Variants in ELAVL4 observed in about 807,000 individuals in gnomAD.
ELAVL4 encodes ELAV like RNA binding protein 4.
ELAVL4 carries 1 observed loss-of-function variant against 35.6 expected under a neutral mutation model. The ratio of observed to expected loss-of-function variants is 0.03; its 90% CI spans 0.01 to 0.13. The LOEUF (loss-of-function observed/expected upper bound fraction) is 0.13. ELAVL4 is among the 10% of genes least tolerant of loss of function. The probability of loss-of-function intolerance (pLI) is 1.00; values close to 1 mark genes in which losing one functional copy is unlikely to be tolerated. For missense variants in ELAVL4, 267 were observed against 464.9 expected (o/e 0.57, Z 3.91); for synonymous variants, 156 against 171.0 (o/e 0.91, Z 0.69).
intron 1 of ELAVL4, among the ~76,000 whole-genome samples, chr1:50,075,576 T>C (rs1227403669): frequency 6.6e-6 from 1 of 152,202 alleles, no homozygotes. Context: ...GGAAGGCTGC[T>C]CTGCACAGTG....
intron 2 of ELAVL4, among the ~76,000 whole-genome samples, chr1:50,168,682 G>A (rs144971919): frequency 2.3e-3 from 350 of 152,162 alleles, no homozygotes; most frequent in African/African-American, 8.2e-3. Flanking sequence ...TGCCACTCAC[G>A]AGCGGTGAAT....
chr1:50,106,236 C>G (rs1366719407), upstream of ELAVL4: 11 of 1,411,716 alleles, frequency 7.8e-6, no homozygotes, highest in Admixed American at 1.9e-5. Context: ...CTGGTACAGT[C>G]CATCTGGACT....
intron 1 of ELAVL4, among the ~76,000 whole-genome samples, chr1:50,057,734 A>G (rs1426316484): frequency 6.6e-6 from 1 of 152,190 alleles, no homozygotes; most frequent in Non-Finnish European, 1.5e-5. Flanking sequence ...GCTTTGTGTA[A>G]GTGCATTCTG....
At chr1:50,060,413 G>T (rs1417435831) in intron 1 of ELAVL4, among the ~76,000 whole-genome samples, 1 of 152,132 alleles carries the variant, frequency 6.6e-6, no homozygotes, top group African/African-American at 2.4e-5. Context: ...CCCCTCAGCA[G>T]CTCAAACTAC....
At chr1:50,167,477 T>C (rs1160583325) in intron 2 of ELAVL4, among the ~76,000 whole-genome samples, 2 of 152,170 alleles carry the variant, frequency 1.3e-5, no homozygotes, top group Non-Finnish European at 2.9e-5. Flanking sequence ...ACCTCTGCCC[T>C]TTCCGTGATG....
At chr1:50,197,617 G>A in intron 6 of ELAVL4, 150 bp downstream of exon 6, 2 of 646,936 alleles carry the variant, frequency 3.1e-6, no homozygotes, top group East Asian at 3.2e-5. Context: ...TTTAATTTCG[G>A]ACCTCAGTTG....
intron 4 of ELAVL4, among the ~76,000 whole-genome samples, chr1:50,195,303 G>A (rs901837404): frequency 6.6e-6 from 1 of 152,166 alleles, no homozygotes; most frequent in African/African-American, 2.4e-5. Flanking sequence ...ATGGGGCAGA[G>A]CAGTGATAGA....
intron 1 of ELAVL4, among the ~76,000 whole-genome samples, chr1:50,082,734 A>G (rs918025663): frequency 2.6e-5 from 4 of 152,164 alleles, no homozygotes; most frequent in South Asian, 2.1e-4. Context: ...CTTGAAAGAC[A>G]TGGTCTTCAT....
At chr1:50,148,099 C>A (rs367958971) in intron 2 of ELAVL4, among the ~76,000 whole-genome samples, 1 of 152,180 alleles carries the variant, frequency 6.6e-6, no homozygotes, top group South Asian at 2.1e-4. Context: ...ACTTGCTAAG[C>A]GCTGGACATA....
At chr1:50,177,254 C>A in intron 3 of ELAVL4, 62 bp downstream of exon 3, 1 of 1,314,192 alleles carries the variant, frequency 7.6e-7, no homozygotes, top group African/African-American at 1.5e-5. Flanking sequence ...TTCTGTTGAT[C>A]TGGTAAATCC....
At chr1:50,194,053 A>C (rs1409237039) in intron 4 of ELAVL4, 135 bp downstream of exon 4, 9 of 1,183,104 alleles carry the variant, frequency 7.6e-6, no homozygotes, top group Non-Finnish European at 1.0e-5. Flanking sequence ...ACTTGGAAGA[A>C]AGACTTCTTA....
In ELAVL4 at chr1:50,112,858, A is replaced by G. The variant is rs565713155; in HGVS notation, c.9+3660A>G. On this transcript the variant is annotated intron_variant, in intron 1 of 6. Transcript: ENST00000371824. ...ACCTTAAAACTTTTTCTCTCCCAAT[A>G]CTCCTTCCTTGGTCCTTTGAAAATT... Among the ~76,000 whole-genome samples the G allele has an allele frequency of 1.5e-3, 234 of 151,536 alleles. 5 individuals are homozygous for G. The South Asian group carries it at 0.048, about 31-fold the overall frequency.
At chr1:50,198,566 T>C (rs2148892879) in intron 6 of ELAVL4, among the ~76,000 whole-genome samples, 1 of 152,344 alleles carries the variant, frequency 6.6e-6, no homozygotes, top group South Asian at 2.1e-4. Flanking sequence ...CCAGCATCAA[T>C]GAGGATAACT....
chr1:50,110,027 GCT>G lies in ELAVL4; in HGVS notation c.9+830_9+831del, dbSNP rs1666796676. 3.2e-6 allele frequency: 5 copies of G among 1,569,612 alleles called. No individual in the cohort carries two copies. In the African/African-American group the frequency reaches 4.0e-5, roughly 13 times the overall value. On this transcript the variant is annotated intron_variant, in intron 1 of 6. Transcript: ENST00000371824. ...CCTGTGTGTGTGTGTGTGTGTGTGT[GCT>G]TGTATGTGTGTATGTGTAAGGATGC...
chr1:50,074,521 CG>C (rs1664676018), intron 1 of ELAVL4, among the ~76,000 whole-genome samples: 1 of 152,202 alleles, frequency 6.6e-6, no homozygotes, highest in Admixed American at 6.5e-5. Flanking sequence ...ATTATATGTC[CG>C]GTTTTGTATT....
chr1:50,146,832 GAAT>G (rs1673811354), intron 2 of ELAVL4, among the ~76,000 whole-genome samples: 1 of 152,052 alleles, frequency 6.6e-6, no homozygotes, highest in South Asian at 2.1e-4. Flanking sequence ...CTATATTAGT[GAAT>G]ATTATTAATC....
intron 1 of ELAVL4, among the ~76,000 whole-genome samples, chr1:50,051,280 A>T (rs1343049414): frequency 3.3e-5 from 5 of 152,168 alleles, no homozygotes; most frequent in Non-Finnish European, 7.4e-5. Flanking sequence ...TTTTTACTTC[A>T]GACATAGTTC....
chr1:50,197,516 G>T, intron 6 of ELAVL4, 49 bp downstream of exon 6: 1 of 1,478,508 alleles, frequency 6.8e-7, no homozygotes, highest in South Asian at 1.4e-5. Context: ...GCACAGACTG[G>T]GGCTAGAATT....
intron 2 of ELAVL4, among the ~76,000 whole-genome samples, chr1:50,164,324 C>T (rs922125702): frequency 9.2e-5 from 14 of 152,156 alleles, no homozygotes; most frequent in African/African-American, 3.1e-4. Flanking sequence ...CATGTCTAGG[C>T]ATGGGGCTCT....
Sources: gnomAD v4.1 joint callset for allele counts (sites outside exome capture counted in the v4.1 genomes callset) on GRCh38, gnomAD v4.1.1 for gene constraint, MANE v1.5 for transcripts, NCBI Gene and HGNC (gene_info 2026-07-23, HGNC 2026-07-21) for gene names.